The following WDPCP variants were observed in gnomAD, a reference collection of about 807,000 sequenced individuals.
WDPCP encodes WD repeat containing planar cell polarity effector, also known as WD repeat-containing and planar cell polarity effector protein fritz homolog.
In WDPCP, 71 loss-of-function variants were observed where a neutral mutation model predicts 93.1. That is an observed-to-expected ratio of 0.76 (90% confidence interval 0.63 to 0.93). WDPCP has a LOEUF of 0.93. WDPCP is among the 40% of genes least tolerant of loss of function. The pLI, the probability that WDPCP is intolerant of heterozygous loss-of-function variation, is 0.00. For synonymous variants in WDPCP, 315 were observed against 315.0 expected, an observed-to-expected ratio of 1.00 and a Z score of 0.00; for missense variants, 844 against 887.4, an observed-to-expected ratio of 0.95 and a Z score of 0.62.
intron 2 of WDPCP, among the ~76,000 whole-genome samples, chr2:63,712,797 A>C (rs1460964816): frequency 6.6e-6 from 1 of 152,128 alleles, no homozygotes; most frequent in East Asian, 1.9e-4. Context: ...AAATAATCTG[A>C]TCGAGGGTTC....
intron 2 of WDPCP, among the ~76,000 whole-genome samples, chr2:63,697,055 G>C (rs546720427): frequency 6.6e-6 from 1 of 152,116 alleles, no homozygotes; most frequent in Non-Finnish European, 1.5e-5. Context: ...AATAAATTAC[G>C]CCACAACCAA....
At chr2:63,703,615 ACTCTGTTCTGTTCCATGGG>A (rs1375081914) in intron 2 of WDPCP, among the ~76,000 whole-genome samples, 2 of 151,552 alleles carry the variant, frequency 1.3e-5, no homozygotes, top group Non-Finnish European at 2.9e-5. Flanking sequence ...ACAGAGTCTC[ACTCTGTTCTGTTCCATGGG>A]CTCTGTTCTG....
intron 12 of WDPCP, among the ~76,000 whole-genome samples, chr2:63,322,413 G>A (rs1293625757): frequency 6.6e-6 from 1 of 152,116 alleles, no homozygotes; most frequent in Non-Finnish European, 1.5e-5. Flanking sequence ...AAATCTTGCT[G>A]CTGCTCACTC....
At chr2:63,357,007 A>G (rs2104612739) in intron 12 of WDPCP, among the ~76,000 whole-genome samples, 1 of 152,316 alleles carries the variant, frequency 6.6e-6, no homozygotes, top group Non-Finnish European at 1.5e-5. Flanking sequence ...ACAAAGGACA[A>G]ATATAAGCAA....
At chr2:63,269,188 T>C (rs962630995) in intron 13 of WDPCP, among the ~76,000 whole-genome samples, 1 of 152,232 alleles carries the variant, frequency 6.6e-6, no homozygotes, top group Non-Finnish European at 1.5e-5. Flanking sequence ...AGTTGATAGA[T>C]GGTTAACTTA....
chr2:63,824,577 G>C (rs890457375), intron 1 of WDPCP, among the ~76,000 whole-genome samples: 8 of 148,090 alleles, frequency 5.4e-5, no homozygotes, highest in Admixed American at 1.3e-4. Flanking sequence ...GAAAAGGAAG[G>C]GTTGTTCAAT....
At chr2:63,194,251 T>C (rs1398387865) in intron 14 of WDPCP, among the ~76,000 whole-genome samples, 1 of 151,968 alleles carries the variant, frequency 6.6e-6, no homozygotes, top group Non-Finnish European at 1.5e-5. Flanking sequence ...GAGACTAAGA[T>C]GATGATGGAG....
chr2:63,243,272 C>T (rs753838966), intron 14 of WDPCP, among the ~76,000 whole-genome samples: 14 of 152,102 alleles, frequency 9.2e-5, no homozygotes, highest in Non-Finnish European at 1.5e-4. Context: ...TTTTGATTTG[C>T]ATCTCTCTGA....
At chr2:63,557,774 G>T (rs577042209) in intron 1 of WDPCP, among the ~76,000 whole-genome samples, 5 of 152,158 alleles carry the variant, frequency 3.3e-5, no homozygotes, top group African/African-American at 1.2e-4. Flanking sequence ...AAATGCAAAA[G>T]AAGTGAAATT....
chr2:63,267,128 G>C (rs995937905), intron 13 of WDPCP, among the ~76,000 whole-genome samples: 1 of 152,104 alleles, frequency 6.6e-6, no homozygotes, highest in Admixed American at 6.5e-5. Flanking sequence ...CATAAAAACA[G>C]ACACATTGAA....
rs552088549 is a variant in WDPCP, at chr2:63,786,975, C to T, written n.308+26647G>A. 3.0e-4 allele frequency among the ~76,000 whole-genome samples: 46 copies of T among 152,278 alleles called. No homozygotes were observed. The South Asian group carries it at 8.9e-3, about 29-fold the overall frequency. Reference sequence around the variant, plus strand: ...AAATATATGTCAAATGAACGAATGACTGAGACAATATGAATGAGGAAAGGG... The same window carrying T: ...AAATATATGTCAAATGAACGAATGATTGAGACAATATGAATGAGGAAAGGG... On this transcript the variant is annotated intron_variant and non_coding_transcript_variant, in intron 2 of 4. Coordinates refer to the WDPCP transcript ENST00000467687.
At chr2:63,609,061 C>G (rs2106633546) in intron 3 of WDPCP, among the ~76,000 whole-genome samples, 1 of 152,204 alleles carries the variant, frequency 6.6e-6, no homozygotes, top group South Asian at 2.1e-4. Flanking sequence ...TTACCAGCTG[C>G]TCCTTGTTAA....
intron 2 of WDPCP, chr2:63,711,364 G>C (rs1192449059): frequency 6.6e-6 from 1 of 152,164 alleles, no homozygotes; most frequent in African/African-American, 2.4e-5. Flanking sequence ...CCAGCAAGTG[G>C]GTTCATAGGA....
chr2:63,317,981 A>G (rs940634820), intron 12 of WDPCP, among the ~76,000 whole-genome samples: 1 of 152,194 alleles, frequency 6.6e-6, no homozygotes, highest in African/African-American at 2.4e-5. Context: ...GTAAACAGAG[A>G]ACCTACAGAA....
At chr2:63,525,358 C>A (rs1417109922) in intron 1 of WDPCP, among the ~76,000 whole-genome samples, 1 of 151,964 alleles carries the variant, frequency 6.6e-6, no homozygotes, top group East Asian at 1.9e-4. Flanking sequence ...TGCAATTTAC[C>A]TATATAACAA....
intron 2 of WDPCP, among the ~76,000 whole-genome samples, chr2:63,708,020 G>A (rs1215991552): frequency 6.6e-6 from 1 of 152,146 alleles, no homozygotes; most frequent in Non-Finnish European, 1.5e-5. Flanking sequence ...AGCTGTATGA[G>A]GTGTCAGTCC....
At chr2:63,368,840 T>C (rs1400506920) in intron 12 of WDPCP, 1 of 152,338 alleles carries the variant, frequency 6.6e-6, no homozygotes, top group African/African-American at 2.4e-5. Flanking sequence ...TGAACATTTA[T>C]TGATGTTCAT....
At chr2:63,393,049 A>C (rs1173972904) in intron 10 of WDPCP, among the ~76,000 whole-genome samples, 1 of 152,246 alleles carries the variant, frequency 6.6e-6, no homozygotes, top group East Asian at 1.9e-4. Flanking sequence ...TATATACCCA[A>C]AGGATTATAA....
intron 1 of WDPCP, among the ~76,000 whole-genome samples, chr2:63,499,657 G>T (rs989527): frequency 0.8 from 122,348 of 152,096 alleles, 49,887 homozygotes; most frequent in East Asian, 0.98. Flanking sequence ...AAGTGATCTT[G>T]TAAAGAAAGA....
Sources: allele counts gnomAD v4.1 joint callset (sites outside exome capture counted in the v4.1 genomes callset), GRCh38; gene constraint gnomAD v4.1.1; transcripts MANE v1.5; gene names NCBI Gene and HGNC (gene_info 2026-07-23, HGNC 2026-07-21).